The following TENT4B variants were observed in gnomAD, a reference collection of about 807,000 sequenced individuals.
The protein encoded by TENT4B is terminal nucleotidyltransferase 4B.
A neutral mutation model predicts 75.0 loss-of-function variants in TENT4B; 10 were observed. That is an observed-to-expected ratio of 0.13 (90% CI 0.08 to 0.23). The LOEUF is 0.23. Among genes scored for constraint, TENT4B ranks in the 10% least tolerant of loss-of-function variants. The pLI, the probability that TENT4B is intolerant of heterozygous loss-of-function variation, is 1.00. For missense variants in TENT4B, 579 were observed against 893.8 expected (o/e 0.65, Z 4.49); for synonymous variants, 350 against 357.7 (o/e 0.98, Z 0.24).
At chr16:50,153,067 G>A (rs771493348), upstream of TENT4B, 6 of 1,446,728 alleles carry the variant, frequency 4.1e-6, no homozygotes, top group East Asian at 3.0e-5. Context: ...GCGCAAGTAC[G>A]GTTGGGCCAG....
rs961020372 is a variant in TENT4B, at chr16:50,176,454, A to G, written c.638+22195A>G. 2.7e-5 allele frequency among the ~76,000 whole-genome samples: 4 copies of G among 147,230 alleles called. No homozygotes were observed. In the Admixed American group the frequency reaches 2.7e-4, roughly 10 times the overall value. On this transcript the variant is annotated intron_variant, in intron 1 of 11. Transcript: ENST00000561678. ...ATATAAGTGGACATATGTAGATCCAACCTGTGTTGTTCCAGTGTCAACCAT... is the reference window on the plus strand; with the variant it reads ...ATATAAGTGGACATATGTAGATCCAGCCTGTGTTGTTCCAGTGTCAACCAT...
chr16:50,154,336 G>A, intron 1 of TENT4B, 77 bp downstream of exon 1: 1 of 1,381,088 alleles, frequency 7.2e-7, no homozygotes, highest in African/African-American at 1.5e-5. Flanking sequence ...GAGGGGGGTT[G>A]TGAGGGTCTA....
At chr16:50,169,387 G>GTTTT (rs552275205) in intron 1 of TENT4B, among the ~76,000 whole-genome samples, 1 of 65,780 alleles carries the variant, frequency 1.5e-5, no homozygotes, top group Non-Finnish European at 2.6e-5. Flanking sequence ...GATTTTGTGG[G>GTTTT]TTTTTTTTTT....
chr16:50,153,017 G>A, upstream of TENT4B: 1 of 1,516,238 alleles, frequency 6.6e-7, no homozygotes, highest in Non-Finnish European at 8.8e-7. Flanking sequence ...CGCCTCAGAA[G>A]CTCCCGGACG....
chr16:50,167,586 T>G (rs776976810), intron 1 of TENT4B, among the ~76,000 whole-genome samples: 13 of 151,612 alleles, frequency 8.6e-5, no homozygotes, highest in Non-Finnish European at 1.8e-4. Context: ...GCTGAAGATT[T>G]ACTTGTGAAC....
chr16:50,182,173 G>A (rs1165524292), intron 1 of TENT4B, among the ~76,000 whole-genome samples: 3 of 152,080 alleles, frequency 2.0e-5, no homozygotes, highest in African/African-American at 2.4e-5. Flanking sequence ...AGGCTGAGGC[G>A]GGAGGATCGC....
intron 1 of TENT4B, among the ~76,000 whole-genome samples, chr16:50,173,248 C>CT (rs1033493883): frequency 1.3e-4 from 19 of 151,780 alleles, no homozygotes; most frequent in East Asian, 7.8e-4. Context: ...CCTGCCAGCT[C>CT]TTTTTTTTGT....
intron 1 of TENT4B, among the ~76,000 whole-genome samples, chr16:50,167,926 G>A (rs1223499998): frequency 6.6e-6 from 1 of 152,000 alleles, no homozygotes; most frequent in Non-Finnish European, 1.5e-5. Context: ...CCAAGTGCTG[G>A]GATTACAGGC....
At chr16:50,189,429 C>T (rs1417435148) in intron 1 of TENT4B, among the ~76,000 whole-genome samples, 1 of 152,142 alleles carries the variant, frequency 6.6e-6, no homozygotes, top group East Asian at 1.9e-4. Flanking sequence ...GCTTTTGGCA[C>T]TTGTTTCTAC....
intron 1 of TENT4B, among the ~76,000 whole-genome samples, chr16:50,207,462 C>T (rs550959547): frequency 3.9e-5 from 6 of 152,190 alleles, no homozygotes; most frequent in African/African-American, 1.2e-4. Flanking sequence ...GGGTTACAGG[C>T]GTGAGCCACT....
chr16:50,190,034 C>T (rs1404702263), intron 1 of TENT4B, among the ~76,000 whole-genome samples: 1 of 148,290 alleles, frequency 6.7e-6, no homozygotes, highest in African/African-American at 2.5e-5. Context: ...TGAGATTGTG[C>T]CACTGCACTC....
At chr16:50,222,242 C>A in intron 5 of TENT4B, 64 bp from the exon 6 acceptor site, 1 of 1,433,670 alleles carries the variant, frequency 7.0e-7, no homozygotes, top group Non-Finnish European at 9.4e-7. Context: ...AATTTATGCC[C>A]CTCTTAATGC....
Position 50,231,938 on chromosome 16 carries a change from C to T in TENT4B, c.*2610C>T. 1 of 979,626 alleles carries T rather than the reference C, an allele frequency of 1.0e-6. No individual in the cohort carries two copies. The highest frequency in any genetic ancestry group is 1.1e-4 in the East Asian group (1 of 8,784). The allele number at this position is 979,626 out of a possible 1,614,324, so 60.7% of individuals were successfully genotyped here. ...TTTTGTGAATATATCAGAAATGTGTCATTTATATATTAGAGTCCATTCATA... is the reference window on the plus strand; with the variant it reads ...TTTTGTGAATATATCAGAAATGTGTTATTTATATATTAGAGTCCATTCATA... On this transcript the variant is annotated 3_prime_UTR_variant, in exon 12 of 12. Transcript: ENST00000561678.
intron 1 of TENT4B, among the ~76,000 whole-genome samples, chr16:50,187,545 T>C (rs13331592): frequency 6.6e-6 from 1 of 152,158 alleles, no homozygotes; most frequent in Non-Finnish European, 1.5e-5. Context: ...ATTGTGCCAC[T>C]GCACTCCAGC....
rs752362295 is a variant in TENT4B, at chr16:50,217,500, A to AT, written c.931-52dup. On this transcript the variant is annotated intron_variant, in intron 4 of 11. Coordinates refer to ENST00000561678, the MANE Select transcript of TENT4B (RefSeq NM_001365324.3). ...ATGTCTAGTAGGCTTCCATCCCCTG[A>AT]TTTTATCATTTAATCTGGTTAAAGC... 3.1e-6 allele frequency: 3 copies of AT among 964,554 alleles called. No individual in the cohort carries two copies. The East Asian group carries it at 8.6e-5, about 28-fold the overall frequency. 59.7% of individuals were successfully genotyped at this position (964,554 alleles called of 1,614,324 possible). A position where few individuals can be genotyped will look rare whatever the true frequency, so the allele number is the denominator to read the frequency against.
chr16:50,223,215 T>C lies in TENT4B; in HGVS notation c.1209T>C (p.Tyr403=), dbSNP rs751872284. Reference sequence around the variant, plus strand: ...ATGCTTGCATCCCCAATACAAACTATGGTGTTCTCTTAATAGAATTTTTTG... The same window carrying C: ...ATGCTTGCATCCCCAATACAAACTACGGTGTTCTCTTAATAGAATTTTTTG... ...REDACIPNTN[Y]GVLLIEFFEL... The change falls in exon 7 of 12, where the codon TAT becomes TAC. Residue 403 remains tyrosine, a synonymous_variant. Transcript: ENST00000561678. 6.2e-7 allele frequency: 1 copy of C among 1,613,706 alleles called. No individual in the cohort carries two copies. The highest frequency in any genetic ancestry group is 8.5e-7 in the Non-Finnish European group (1 of 1,179,708).
chr16:50,184,119 T>C (rs1349524554), intron 1 of TENT4B, among the ~76,000 whole-genome samples: 1 of 152,200 alleles, frequency 6.6e-6, no homozygotes, highest in Non-Finnish European at 1.5e-5. Context: ...ATTTGACTGT[T>C]TTGGACATTT....
chr16:50,228,836 TC>T (rs956395541), intron 11 of TENT4B, among the ~76,000 whole-genome samples: 3 of 152,222 alleles, frequency 2.0e-5, no homozygotes, highest in Admixed American at 6.5e-5. Flanking sequence ...AAGAGCCTCT[TC>T]CCGCTCTGTC....
At chr16:50,223,484 C>G in intron 7 of TENT4B, 97 bp downstream of exon 7, 1 of 768,380 alleles carries the variant, frequency 1.3e-6, no homozygotes, top group Non-Finnish European at 2.0e-6. Context: ...AATGAAGGAA[C>G]AACTTCTAAT....
Sources: gnomAD v4.1 joint callset for allele counts (sites outside exome capture counted in the v4.1 genomes callset) on GRCh38, gnomAD v4.1.1 for gene constraint, MANE v1.5 for transcripts, NCBI Gene and HGNC (gene_info 2026-07-23, HGNC 2026-07-21) for gene names.